The following GPR137B variants were observed in gnomAD, a reference collection of about 807,000 sequenced individuals.
The protein encoded by GPR137B is G protein-coupled receptor 137B.
Under a neutral mutation model 42.5 loss-of-function variants are expected in GPR137B, and 42 were observed. That is an observed-to-expected ratio of 0.99 (90% CI 0.77 to 1.28). The LOEUF is 1.28. Ranked by LOEUF, GPR137B falls within the 50% of genes most tolerant of loss-of-function variation. The pLI, the probability that GPR137B is intolerant of heterozygous loss-of-function variation, is 0.00. For missense variants in GPR137B, 487 were observed against 493.9 expected, an observed-to-expected ratio of 0.99 and a Z score of 0.13; for synonymous variants, 218 against 209.7, an observed-to-expected ratio of 1.04 and a Z score of -0.34.
At chr1:236,162,651 C>T (rs752139685) in intron 1 of GPR137B, among the ~76,000 whole-genome samples, 33 of 152,322 alleles carry the variant, frequency 2.2e-4, no homozygotes, top group East Asian at 1.5e-3. Context: ...AAGGGGCCAA[C>T]GTAGAGCTCG....
At chr1:236,173,803 C>T (rs545600371) in intron 2 of GPR137B, among the ~76,000 whole-genome samples, 7 of 152,250 alleles carry the variant, frequency 4.6e-5, no homozygotes, top group African/African-American at 1.7e-4. Context: ...TTATTCTGGC[C>T]TCCTTTGAAA....
At position 236,200,400 on chromosome 1, in the gene GPR137B, C is replaced by CT. The variant is rs1303075417; in HGVS notation, c.967-4723dup. 2.6e-5 allele frequency among the ~76,000 whole-genome samples: 4 copies of CT among 151,972 alleles called. 1 individual carries two copies. Among genetic ancestry groups the CT allele is most frequent in the African/African-American group, 7.3e-5 (3 of 41,298 alleles). Reference sequence around the variant, plus strand: ...AGGGTATAATTTAAGTCCATTGTTTCTTTGTTAACTTTCTGTCTTGATGGC... The same window carrying CT: ...AGGGTATAATTTAAGTCCATTGTTTCTTTTGTTAACTTTCTGTCTTGATGGC... On this transcript the variant is annotated intron_variant, in intron 5 of 6. Transcript: ENST00000366592.
chr1:236,195,666 T>C (rs904626904), intron 5 of GPR137B, among the ~76,000 whole-genome samples: 5 of 152,220 alleles, frequency 3.3e-5, no homozygotes, highest in African/African-American at 1.2e-4. Context: ...ATTTTTATTT[T>C]TGAGGAACTG....
intron 1 of GPR137B, among the ~76,000 whole-genome samples, chr1:236,146,932 C>T (rs1661698376): frequency 1.3e-5 from 2 of 152,162 alleles, no homozygotes; most frequent in African/African-American, 4.8e-5. Context: ...CCTCGGCCTC[C>T]TTAGTAGCTG....
At chr1:236,176,145 G>A (rs534370728) in intron 2 of GPR137B, among the ~76,000 whole-genome samples, 17 of 152,270 alleles carry the variant, frequency 1.1e-4, no homozygotes, top group Admixed American at 7.2e-4. Flanking sequence ...TTGGAGGTGC[G>A]GAGGGAACAG....
intron 6 of GPR137B, among the ~76,000 whole-genome samples, chr1:236,207,848 G>A (rs1234341278): frequency 6.6e-6 from 1 of 152,114 alleles, no homozygotes; most frequent in Non-Finnish European, 1.5e-5. Flanking sequence ...GTGCTCTAAA[G>A]AGTTCAGTAG....
intron 5 of GPR137B, among the ~76,000 whole-genome samples, chr1:236,199,484 A>C (rs751697909): frequency 2.6e-5 from 4 of 152,182 alleles, no homozygotes; most frequent in Non-Finnish European, 5.9e-5. Flanking sequence ...TCTTCTTTGA[A>C]TATCTGATAG....
chr1:236,197,035 C>A (rs918793849), intron 5 of GPR137B, among the ~76,000 whole-genome samples: 1 of 152,116 alleles, frequency 6.6e-6, no homozygotes, highest in Non-Finnish European at 1.5e-5. Flanking sequence ...TACATCCATG[C>A]CAACATCTGT....
chr1:236,157,071 A>T (rs990000183), intron 1 of GPR137B, among the ~76,000 whole-genome samples: 1 of 152,130 alleles, frequency 6.6e-6, no homozygotes. Flanking sequence ...AATTCACCAA[A>T]TGCTTAGGAA....
At position 236,186,262 on chromosome 1, in the gene GPR137B, T is replaced by TAA. The variant is rs1352149541; in HGVS notation, c.966+2356_966+2357insAA. On this transcript the variant is annotated intron_variant, in intron 5 of 6. Coordinates refer to ENST00000366592, the MANE Select transcript of GPR137B (RefSeq NM_003272.4). The stretch of plus-strand genomic sequence containing the variant: ...TAATATAAATAATATATAATATATA[T>TAA]TATATATTATATATAATAATATAAA... 1.3e-4 allele frequency among the ~76,000 whole-genome samples: 3 copies of TAA among 22,902 alleles called. 1 individual carries two copies. The highest frequency in any genetic ancestry group is 4.2e-4 in the African/African-American group (3 of 7,162). The allele number at this position is 22,902 out of a possible 152,430, so 15.0% of individuals were successfully genotyped here.
chr1:236,208,261 G>T lies in GPR137B; in HGVS notation c.*103G>T. 6 of 1,502,174 alleles carry T rather than the reference G, an allele frequency of 4.0e-6. No individual in the cohort carries two copies. In the South Asian group the frequency reaches 6.6e-5, roughly 17 times the overall value. The allele number at this position is 1,502,174 out of a possible 1,614,324, so 93.1% of individuals were successfully genotyped here. On this transcript the variant is annotated 3_prime_UTR_variant, in exon 7 of 7. Coordinates refer to ENST00000366592, the MANE Select transcript of GPR137B (RefSeq NM_003272.4). ...CACTTTTCCTTAAGAAATAGAACTT[G>T]ATTTTTATTTGTTACAGGTTTCCAA...
intron 4 of GPR137B, among the ~76,000 whole-genome samples, chr1:236,181,169 A>G (rs1662861778): frequency 6.6e-6 from 1 of 152,208 alleles, no homozygotes; most frequent in Non-Finnish European, 1.5e-5. Context: ...TCATGGCACT[A>G]GTTGTTGCAA....
chr1:236,189,879 T>C (rs970255799), intron 5 of GPR137B, among the ~76,000 whole-genome samples: 2 of 152,192 alleles, frequency 1.3e-5, no homozygotes, highest in African/African-American at 4.8e-5. Flanking sequence ...GTTAATTACA[T>C]GTCTCATTTA....
intron 5 of GPR137B, among the ~76,000 whole-genome samples, chr1:236,203,819 G>A (rs986087171): frequency 8.5e-5 from 13 of 152,164 alleles, no homozygotes; most frequent in African/African-American, 2.4e-4. Context: ...TTGGTATATA[G>A]AAATGCTACT....
chr1:236,142,539 G>T lies in GPR137B; in HGVS notation c.-84G>T. 5.6e-6 allele frequency: 4 copies of T among 713,054 alleles called. No individual in the cohort carries two copies. Among genetic ancestry groups the T allele is most frequent in the Non-Finnish European group, 7.8e-6 (4 of 510,956 alleles). The allele number at this position is 713,054 out of a possible 1,614,324, so 44.2% of individuals were successfully genotyped here. The stretch of plus-strand genomic sequence containing the variant: ...GGTGCCGGGGGAGGAAGTGCGGCTT[G>T]TTTTCTTTCCTCCAGTCTCGGGGCT... On this transcript the variant is annotated 5_prime_UTR_variant, in exon 1 of 7. Coordinates refer to ENST00000366592, the MANE Select transcript of GPR137B (RefSeq NM_003272.4).
At chr1:236,149,895 T>C (rs1661795353) in intron 1 of GPR137B, among the ~76,000 whole-genome samples, 1 of 152,212 alleles carries the variant, frequency 6.6e-6, no homozygotes, top group African/African-American at 2.4e-5. Flanking sequence ...CCTGTGTGTA[T>C]GTACATGTGT....
chr1:236,168,675 C>T (rs1056833440), intron 1 of GPR137B, 31 bp from the exon 2 acceptor site: 9 of 1,589,894 alleles, frequency 5.7e-6, no homozygotes, highest in Non-Finnish European at 7.8e-6. Flanking sequence ...CATATTGGAC[C>T]CCAACCTGCC....
chr1:236,190,148 CTTT>C (rs34520510), intron 5 of GPR137B, among the ~76,000 whole-genome samples: 41,623 of 119,546 alleles, frequency 0.35, 5,959 homozygotes, highest in East Asian at 0.6. Context: ...CCTGCTTCTT[CTTT>C]TTTTTTTTTT....
chr1:236,189,766 T>A (rs1025973696), intron 5 of GPR137B, among the ~76,000 whole-genome samples: 1 of 152,246 alleles, frequency 6.6e-6, no homozygotes, highest in African/African-American at 2.4e-5. Context: ...TGAGATGACG[T>A]GCTGAGAAGA....
Sources: allele counts gnomAD v4.1 joint callset (sites outside exome capture counted in the v4.1 genomes callset), GRCh38; gene constraint gnomAD v4.1.1; transcripts MANE v1.5; gene names NCBI Gene and HGNC (gene_info 2026-07-23, HGNC 2026-07-21).